SEC31A: variants seen among roughly 807,000 people sequenced by gnomAD.
SEC31A encodes the protein SEC31 homolog A, COPII component, also known as protein transport protein Sec31A.
In SEC31A, 70 loss-of-function variants were observed where a neutral mutation model predicts 151.0. The ratio of observed to expected loss-of-function variants is 0.46; its 90% CI spans 0.38 to 0.57. SEC31A has a LOEUF of 0.57. Ranked by LOEUF, SEC31A falls within the 20% of genes least tolerant of loss-of-function variation. The pLI is 0.00. For synonymous variants in SEC31A, 475 were observed against 505.9 expected, an observed-to-expected ratio of 0.94 and a Z score of 0.82; for missense variants, 1,330 against 1,471.2, an observed-to-expected ratio of 0.90 and a Z score of 1.57.
At position 82,829,061 on chromosome 4, in the gene SEC31A, A is replaced by G. The variant is rs372804016; in HGVS notation, c.2969-3T>C. 4.4e-6 allele frequency: 7 copies of G among 1,608,946 alleles called. No individual in the cohort carries two copies. Among genetic ancestry groups the G allele is most frequent in the African/African-American group, 1.3e-5 (1 of 74,936 alleles). Reference sequence around the variant, plus strand: ...GTCATTCCAACCATTCTGAGGACCTATAACAGATAACAGAGAATGTTTTCC... The same window carrying G: ...GTCATTCCAACCATTCTGAGGACCTGTAACAGATAACAGAGAATGTTTTCC... On this transcript the variant is annotated splice_polypyrimidine_tract_variant and splice_region_variant and intron_variant, in intron 22 of 26. Coordinates refer to ENST00000395310, the MANE Select transcript of SEC31A (RefSeq NM_001077207.4).
intron 17 of SEC31A, among the ~76,000 whole-genome samples, chr4:82,854,518 T>A (rs1005716192): frequency 6.6e-6 from 1 of 152,176 alleles, no homozygotes; most frequent in African/African-American, 2.4e-5. Context: ...TGGCCTATAA[T>A]GGTAATTTCT....
chr4:82,862,208 C>A (rs1484805315), intron 13 of SEC31A, among the ~76,000 whole-genome samples: 28 of 148,436 alleles, frequency 1.9e-4, no homozygotes, highest in Non-Finnish European at 4.5e-5. Context: ...CCAACACACC[C>A]GGCCCACTTT....
chr4:82,863,442 C>A, intron 11 of SEC31A, 50 bp from the exon 12 acceptor site: 4 of 1,006,652 alleles, frequency 4.0e-6, no homozygotes, highest in Non-Finnish European at 2.9e-6. Flanking sequence ...ATTTAAAGGC[C>A]GAATTTTTAT....
intron 3 of SEC31A, among the ~76,000 whole-genome samples, chr4:82,898,528 T>C (rs116304339): frequency 6.6e-6 from 1 of 152,374 alleles, no homozygotes; most frequent in Non-Finnish European, 1.5e-5. Context: ...CAGAATAATG[T>C]AGGAAGCACA....
intron 20 of SEC31A, among the ~76,000 whole-genome samples, chr4:82,848,325 A>AAT (rs1442149351): frequency 6.6e-6 from 1 of 151,784 alleles, no homozygotes; most frequent in Non-Finnish European, 1.5e-5. Flanking sequence ...AAAAAAAAAA[A>AAT]AAGTCTGTAT....
At chr4:82,854,628 G>A (rs1395337872) in intron 17 of SEC31A, among the ~76,000 whole-genome samples, 2 of 150,666 alleles carry the variant, frequency 1.3e-5, no homozygotes, top group Admixed American at 1.3e-4. Context: ...TTAGAAAGTA[G>A]TTCTTCCTAG....
intron 4 of SEC31A, 60 bp from the exon 5 acceptor site, chr4:82,875,882 C>G (rs1332354857): frequency 1.1e-6 from 1 of 925,090 alleles, no homozygotes; most frequent in African/African-American, 1.7e-5. Context: ...TTCAGAATAA[C>G]TCAGTTCAGA....
At chr4:82,858,149 G>A (rs1176649582) in intron 14 of SEC31A, among the ~76,000 whole-genome samples, 7 of 151,706 alleles carry the variant, frequency 4.6e-5, no homozygotes, top group African/African-American at 1.5e-4. Context: ...ATGGTGGTGC[G>A]TGCCTGTAAT....
chr4:82,859,599 C>T (rs967774887), intron 14 of SEC31A, among the ~76,000 whole-genome samples: 3 of 152,058 alleles, frequency 2.0e-5, no homozygotes, highest in African/African-American at 7.2e-5. Flanking sequence ...ACTGCACCAT[C>T]TGCAAATACA....
chr4:82,845,347 A>C (rs1729829125), intron 20 of SEC31A: 2 of 1,070,348 alleles, frequency 1.9e-6, no homozygotes, highest in Non-Finnish European at 2.5e-6. Context: ...AAAACGTTAA[A>C]AGAAGAAAAA....
At chr4:82,863,474 G>C in intron 11 of SEC31A, 82 bp from the exon 12 acceptor site, 3 of 739,908 alleles carry the variant, frequency 4.1e-6, no homozygotes. Flanking sequence ...AAATTCCAAA[G>C]AGAATTATTA....
intron 22 of SEC31A, among the ~76,000 whole-genome samples, chr4:82,837,818 G>A (rs1169225298): frequency 6.6e-6 from 1 of 152,132 alleles, no homozygotes; most frequent in African/African-American, 2.4e-5. Context: ...ACTTCTCACT[G>A]GAAACCTTCT....
At chr4:82,842,554 G>A in intron 21 of SEC31A, 73 bp from the exon 22 acceptor site, 1 of 1,070,946 alleles carries the variant, frequency 9.3e-7, no homozygotes, top group Non-Finnish European at 1.3e-6. Flanking sequence ...AAACTAAAAA[G>A]TTATCTCAGT....
At chr4:82,857,910 A>G (rs1201085880) in intron 14 of SEC31A, 146 bp from the exon 15 acceptor site, 2 of 549,274 alleles carry the variant, frequency 3.6e-6, no homozygotes, top group African/African-American at 3.8e-5. Flanking sequence ...CAAATTTACA[A>G]CTAAGATCTA....
chr4:82,864,627 T>C (rs780994477), intron 10 of SEC31A, 29 bp from the exon 11 acceptor site: 7 of 1,598,938 alleles, frequency 4.4e-6, no homozygotes, highest in Non-Finnish European at 6.0e-6. Context: ...ACAAACTCAG[T>C]GTTAACCCAA....
intron 20 of SEC31A, 145 bp downstream of exon 20, chr4:82,848,659 C>T (rs1446429475): frequency 3.3e-6 from 2 of 605,002 alleles, no homozygotes; most frequent in Non-Finnish European, 5.3e-6. Context: ...AATACAACTT[C>T]AAGATTCTAG....
intron 4 of SEC31A, chr4:82,878,027 ATC>A (rs1474972452): frequency 1.3e-5 from 2 of 152,198 alleles, no homozygotes; most frequent in Non-Finnish European, 2.9e-5. Context: ...TAGAGTATTA[ATC>A]TCTGTCATAA....
At chr4:82,857,218 T>C in intron 15 of SEC31A, 88 bp from the exon 16 acceptor site, 1 of 1,099,292 alleles carries the variant, frequency 9.1e-7, no homozygotes, top group Non-Finnish European at 1.3e-6. Context: ...AATTTTTATA[T>C]ATATACATGA....
At chr4:82,839,541 C>T (rs944057282) in intron 22 of SEC31A, among the ~76,000 whole-genome samples, 1 of 152,236 alleles carries the variant, frequency 6.6e-6, no homozygotes, top group African/African-American at 2.4e-5. Context: ...CTGCCTCGGC[C>T]TCCCAAAGTG....
Sources: allele counts gnomAD v4.1 joint callset (sites outside exome capture counted in the v4.1 genomes callset), GRCh38; gene constraint gnomAD v4.1.1; transcripts MANE v1.5; gene names NCBI Gene and HGNC (gene_info 2026-07-23, HGNC 2026-07-21).